Variants in TCN2 observed in about 807,000 individuals in gnomAD.
The protein encoded by TCN2 is transcobalamin-2.
TCN2 carries 34 observed loss-of-function variants against 48.6 expected under a neutral mutation model. That is an observed-to-expected ratio of 0.70 (90% confidence interval 0.53 to 0.93). The LOEUF is 0.93. TCN2 is among the 40% of genes least tolerant of loss of function. The pLI, the probability that TCN2 is intolerant of heterozygous loss-of-function variation, is 0.00. For synonymous variants in TCN2, 283 were observed against 212.5 expected (o/e 1.33, Z -2.89); for missense variants, 652 against 526.1 (o/e 1.24, Z -2.34).
At chr22:30,611,167 C>G in intron 2 of TCN2, 104 bp downstream of exon 2, 2 of 1,395,358 alleles carry the variant, frequency 1.4e-6, no homozygotes, top group Non-Finnish European at 2.0e-6. Flanking sequence ...AGACCTTAGG[C>G]AAATTTTCTC....
intron 3 of TCN2, 24 bp from the exon 4 acceptor site, chr22:30,614,324 AC>A (rs779658820): frequency 8.1e-6 from 13 of 1,612,802 alleles, no homozygotes; most frequent in Admixed American, 6.7e-5. Flanking sequence ...CAGAGAGGCA[AC>A]CCCTCTGTTT....
chr22:30,615,243 G>A lies in TCN2; in HGVS notation c.581-58G>A, dbSNP rs181685616. ...ACAAGGGCCTGACCCTCAAGCCCCT[G>A]CCTGTCCTGGCCCCTTTGGCTCTCC... On this transcript the variant is annotated intron_variant, in intron 4 of 8. Transcript: ENST00000215838. 99 of 1,596,638 alleles carry A rather than the reference G, an allele frequency of 6.2e-5. No homozygotes were observed. In the East Asian group the frequency reaches 2.2e-3, roughly 36 times the overall value.
chr22:30,614,737 C>T (rs1403194977), intron 4 of TCN2, among the ~76,000 whole-genome samples: 1 of 152,082 alleles, frequency 6.6e-6, no homozygotes, highest in Non-Finnish European at 1.5e-5. Context: ...GGTGAAACCC[C>T]ATCTCTACTA....
chr22:30,617,626 G>A, intron 7 of TCN2, 131 bp downstream of exon 7: 1 of 1,225,666 alleles, frequency 8.2e-7, no homozygotes, highest in Non-Finnish European at 1.2e-6. Context: ...GCTTCTACCT[G>A]CTCAGCTCCT....
chr22:30,616,455 TC>T (rs1438489333), intron 6 of TCN2, among the ~76,000 whole-genome samples: 1 of 142,578 alleles, frequency 7.0e-6, no homozygotes, highest in African/African-American at 2.7e-5. Context: ...GCCACTGCAC[TC>T]CAGTCTGGGT....
chr22:30,626,505 G>A lies in TCN2; in HGVS notation c.1268G>A (p.Arg423Lys). The A allele has an allele frequency of 6.2e-7, 1 of 1,614,106 alleles. No individual in the cohort carries two copies. Among genetic ancestry groups the A allele is most frequent in the Non-Finnish European group, 8.5e-7 (1 of 1,180,020 alleles). The change falls in exon 9 of 9, where the codon AGG becomes AAG. Residue 423 changes from arginine to lysine, a missense_variant. Physicochemically the swap from Arg to Lys is conservative, Grantham distance 26 (BLOSUM62 2). Coordinates refer to ENST00000215838, the MANE Select transcript of TCN2 (RefSeq NM_000355.4). Reference sequence around the variant, plus strand: ...AAGGATGGAGAAACCATTGAGCTGAGGCTGGTTAGCTGGTAGCCCCTGAGC... The same window carrying A: ...AAGGATGGAGAAACCATTGAGCTGAAGCTGGTTAGCTGGTAGCCCCTGAGC... ...RPKDGETIEL[R>K]LVSW
At chr22:30,615,554 C>T in intron 5 of TCN2, 47 bp from the exon 6 acceptor site, 1 of 1,613,920 alleles carries the variant, frequency 6.2e-7, no homozygotes, top group Non-Finnish European at 8.5e-7. Flanking sequence ...CACCTAGCCC[C>T]TCCCTGCCGG....
intron 4 of TCN2, 114 bp from the exon 5 acceptor site, chr22:30,615,187 T>C: frequency 8.7e-7 from 1 of 1,148,350 alleles, no homozygotes; most frequent in Non-Finnish European, 1.3e-6. Flanking sequence ...TTGCCCTTCT[T>C]CTCCAAGCCC....
chr22:30,621,319 C>T (rs528432216), intron 7 of TCN2, among the ~76,000 whole-genome samples: 3 of 152,222 alleles, frequency 2.0e-5, no homozygotes, highest in East Asian at 3.9e-4. Flanking sequence ...AAAAAAATCC[C>T]TCTAAGACTG....
chr22:30,620,586 G>T lies in TCN2; in HGVS notation c.1107-2382G>T, dbSNP rs543663341. Reference sequence around the variant, plus strand: ...GCGCAGTCACTGATGGCCACGCATAGGCTGAGTGCCCTTGGGAGGGCTCAG... The same window carrying T: ...GCGCAGTCACTGATGGCCACGCATATGCTGAGTGCCCTTGGGAGGGCTCAG... On this transcript the variant is annotated intron_variant, in intron 7 of 8. Coordinates refer to ENST00000215838, the MANE Select transcript of TCN2 (RefSeq NM_000355.4). 1.1e-4 allele frequency among the ~76,000 whole-genome samples: 17 copies of T among 152,346 alleles called. No individual in the cohort carries two copies. In the East Asian group the frequency reaches 3.3e-3, roughly 29 times the overall value.
In TCN2 at chr22:30,626,954, A is replaced by T. The variant is rs2087820311; in HGVS notation, c.*433A>T. On this transcript the variant is annotated 3_prime_UTR_variant, in exon 9 of 9. Transcript: ENST00000215838. ...CCCCAGCTCTCCACTCTGCTGTTAG[A>T]GTGGCAGCTCCGAGCTGGTTGTGGC... 3.6e-6 allele frequency: 1 copy of T among 281,254 alleles called. No individual in the cohort carries two copies. The highest frequency in any genetic ancestry group is 4.5e-5 in the Admixed American group (1 of 22,138). The allele number at this position is 281,254 out of a possible 1,614,324, so 17.4% of individuals were successfully genotyped here.
Position 30,616,690 on chromosome 22 carries a change from A to G in TCN2, c.941-640A>G, listed in dbSNP as rs1032456576. On this transcript the variant is annotated intron_variant, in intron 6 of 8. Coordinates refer to ENST00000215838, the MANE Select transcript of TCN2 (RefSeq NM_000355.4). ...GTGGTAGACACCTATAATCCCAGCTACTAGGGAGGCTGAGCCACAAGAATC... is the reference window on the plus strand; with the variant it reads ...GTGGTAGACACCTATAATCCCAGCTGCTAGGGAGGCTGAGCCACAAGAATC... Among the ~76,000 whole-genome samples, 5 of 152,204 alleles carry G rather than the reference A, an allele frequency of 3.3e-5. No individual in the cohort carries two copies. In the South Asian group the frequency reaches 1.0e-3, roughly 32 times the overall value.
intron 7 of TCN2, among the ~76,000 whole-genome samples, chr22:30,618,811 C>G (rs1259568137): frequency 6.6e-6 from 1 of 152,102 alleles, no homozygotes; most frequent in Non-Finnish European, 1.5e-5. Flanking sequence ...CCTCTGTCGC[C>G]CAGACTGGGT....
At chr22:30,624,920 A>G (rs577593363) in intron 8 of TCN2, among the ~76,000 whole-genome samples, 1 of 152,358 alleles carries the variant, frequency 6.6e-6, no homozygotes, top group Non-Finnish European at 1.5e-5. Context: ...GGTGGCTTAT[A>G]AACAGCAGAA....
intron 2 of TCN2, among the ~76,000 whole-genome samples, chr22:30,611,681 T>C (rs181025001): frequency 1.7e-4 from 26 of 152,328 alleles, no homozygotes; most frequent in Non-Finnish European, 1.9e-4. Flanking sequence ...CTGATTTTTG[T>C]ATTTTTGGTA....
In TCN2 at chr22:30,613,906, G is replaced by A. The variant is rs1024391754; in HGVS notation, c.428-443G>A. On this transcript the variant is annotated intron_variant, in intron 3 of 8. Transcript: ENST00000215838. ...AGCCATACCATCTCTCAACTCATAA[G>A]CCAGTTTTTTCATACAGGCTCCCTC... 5.3e-5 allele frequency among the ~76,000 whole-genome samples: 8 copies of A among 152,214 alleles called. No homozygotes were observed. In the East Asian group the frequency reaches 7.7e-4, roughly 15 times the overall value.
chr22:30,611,299 T>A (rs1010640336), intron 2 of TCN2, among the ~76,000 whole-genome samples: 1 of 152,210 alleles, frequency 6.6e-6, no homozygotes, highest in Non-Finnish European at 1.5e-5. Flanking sequence ...GAGGCAGACA[T>A]AACTAATCCG....
chr22:30,623,528 A>G (rs2087730132), intron 8 of TCN2, among the ~76,000 whole-genome samples: 1 of 151,970 alleles, frequency 6.6e-6, no homozygotes, highest in African/African-American at 2.4e-5. Flanking sequence ...CTGGGATTAC[A>G]GGCATGAGCC....
intron 7 of TCN2, among the ~76,000 whole-genome samples, chr22:30,621,803 G>C (rs866397855): frequency 6.6e-6 from 1 of 152,232 alleles, no homozygotes. Flanking sequence ...TCTTTTGAAA[G>C]ACCATTCCCC....
Sources: gnomAD v4.1 joint callset for allele counts (sites outside exome capture counted in the v4.1 genomes callset) on GRCh38, gnomAD v4.1.1 for gene constraint, MANE v1.5 for transcripts, NCBI Gene and HGNC (gene_info 2026-07-23, HGNC 2026-07-21) for gene names.